MSN: variants seen among roughly 807,000 people sequenced by gnomAD.
MSN encodes epididymis luminal protein 70.
MSN carries 2 observed loss-of-function variants against 48.0 expected under a neutral mutation model. That is an observed-to-expected ratio of 0.04 (90% CI 0.02 to 0.13). The LOEUF (loss-of-function observed/expected upper bound fraction) is 0.13, where lower values mean the gene tolerates loss of function less well. Ranked by LOEUF, MSN falls within the 10% of genes least tolerant of loss-of-function variation. The pLI is 1.00. For synonymous variants in MSN, 146 were observed against 166.9 expected, an observed-to-expected ratio of 0.87 and a Z score of 0.97; for missense variants, 267 against 470.1, an observed-to-expected ratio of 0.57 and a Z score of 3.99.
intron 1 of MSN, among the ~76,000 whole-genome samples, chrX:65,649,452 T>G (rs1156729512): frequency 3.0e-5 from 3 of 100,657 alleles, no homozygotes; most frequent in Admixed American, 1.1e-4. Flanking sequence ...GGCGGGTGCC[T>G]GTAGTCCCAG....
chrX:65,728,420 A>G (rs776090468), intron 3 of MSN, among the ~76,000 whole-genome samples: 54 of 110,873 alleles, frequency 4.9e-4, no homozygotes, highest in Non-Finnish European at 1.3e-4. Context: ...CAGCCTCTCG[A>G]GTAGCTGGGA....
At chrX:65,654,167 G>A (rs1333735791) in intron 1 of MSN, among the ~76,000 whole-genome samples, 5 of 99,311 alleles carry the variant, frequency 5.0e-5, no homozygotes, top group Non-Finnish European at 1.0e-4. Flanking sequence ...GTGCAGTGGC[G>A]CGATCTCCAC....
chrX:65,625,372 G>A (rs2070495435), intron 1 of MSN: 1 of 111,944 alleles, frequency 8.9e-6, no homozygotes, highest in African/African-American at 3.2e-5. Context: ...GTTTAGAATA[G>A]GGTATTGTGT....
intron 1 of MSN, among the ~76,000 whole-genome samples, chrX:65,626,049 G>A (rs1053727075): frequency 9.4e-6 from 1 of 106,721 alleles, no homozygotes; most frequent in Non-Finnish European, 1.9e-5. Context: ...CTGCCTCCCG[G>A]GTTCACACCA....
At chrX:65,683,652 C>G (rs946368407) in intron 1 of MSN, among the ~76,000 whole-genome samples, 8 of 110,965 alleles carry the variant, frequency 7.2e-5, no homozygotes, top group Non-Finnish European at 1.5e-4. Flanking sequence ...TTCACCTAGT[C>G]TTTAAAGGAC....
At chrX:65,681,346 C>T (rs1195715496) in intron 1 of MSN, among the ~76,000 whole-genome samples, 1 of 111,918 alleles carries the variant, frequency 8.9e-6, no homozygotes, top group Non-Finnish European at 1.9e-5. Flanking sequence ...TCTAGCTCTT[C>T]CTGTCTCAAG....
At chrX:65,588,736 TAGGGGACAC>T in intron 1 of MSN, 1 of 473,847 alleles carries the variant, frequency 2.1e-6, no homozygotes, top group Non-Finnish European at 2.7e-6. Flanking sequence ...TCTCAGGGGG[TAGGGGACAC>T]TGAAATGTTG....
At chrX:65,610,293 A>C (rs947758703) in intron 1 of MSN, among the ~76,000 whole-genome samples, 1 of 111,925 alleles carries the variant, frequency 8.9e-6, no homozygotes, top group African/African-American at 3.2e-5. Context: ...GGTAACTTCT[A>C]ATCTACTTTC....
intron 1 of MSN, among the ~76,000 whole-genome samples, chrX:65,612,636 C>T (rs764903705): frequency 9.2e-6 from 1 of 109,136 alleles, no homozygotes; most frequent in African/African-American, 3.3e-5. Context: ...TCTTAGCTCA[C>T]TGCCACCTCC....
chrX:65,684,249 T>A (rs1263104288), intron 1 of MSN, among the ~76,000 whole-genome samples: 1 of 110,034 alleles, frequency 9.1e-6, no homozygotes, highest in East Asian at 2.9e-4. Context: ...GCCCATAGAC[T>A]CTTTTTTCAT....
intron 1 of MSN, among the ~76,000 whole-genome samples, chrX:65,609,100 G>A (rs1472808246): frequency 3.0e-5 from 3 of 101,505 alleles, no homozygotes; most frequent in Admixed American, 1.1e-4. Context: ...ATAGCTCCAG[G>A]GCTCTCAATG....
chrX:65,598,915 C>G (rs937579831), intron 1 of MSN, among the ~76,000 whole-genome samples: 1 of 111,770 alleles, frequency 8.9e-6, no homozygotes, highest in South Asian at 3.7e-4. Flanking sequence ...TTACACAGCA[C>G]TTTTGGGAGA....
intron 1 of MSN, among the ~76,000 whole-genome samples, chrX:65,701,687 C>T (rs1428460603): frequency 8.9e-6 from 1 of 112,130 alleles, no homozygotes. Context: ...GCACAACACT[C>T]CTGCCATGGT....
intron 1 of MSN, among the ~76,000 whole-genome samples, chrX:65,699,127 A>G (rs1360708149): frequency 8.9e-6 from 1 of 111,795 alleles, no homozygotes; most frequent in African/African-American, 3.3e-5. Context: ...GTTTTGTGTG[A>G]TTTTCTGTTT....
intron 10 of MSN, among the ~76,000 whole-genome samples, chrX:65,737,979 TC>T (rs1244818031): frequency 3.6e-5 from 4 of 112,361 alleles, no homozygotes; most frequent in Non-Finnish European, 5.6e-5. Flanking sequence ...CATATACTCT[TC>T]CTTTGTACTG....
chrX:65,651,522 A>T (rs933500702), intron 1 of MSN, among the ~76,000 whole-genome samples: 1 of 106,813 alleles, frequency 9.4e-6, no homozygotes, highest in African/African-American at 3.4e-5. Context: ...TGGGGGATGT[A>T]TTCTATTTTA....
At chrX:65,617,009 T>G (rs1406821341) in intron 1 of MSN, among the ~76,000 whole-genome samples, 1 of 109,462 alleles carries the variant, frequency 9.1e-6, no homozygotes, top group Non-Finnish European at 1.9e-5. Context: ...TGGATTACAT[T>G]TATTGATTTG....
chrX:65,716,942 A>G (rs760609319), intron 2 of MSN, 41 bp downstream of exon 2: 10 of 1,093,193 alleles, frequency 9.1e-6, no homozygotes, highest in Non-Finnish European at 1.3e-5. Flanking sequence ...TTCTCTGAAT[A>G]GCTTCCACCA....
At chrX:65,619,784 C>T (rs1327542160) in intron 1 of MSN, among the ~76,000 whole-genome samples, 1 of 109,352 alleles carries the variant, frequency 9.1e-6, no homozygotes, top group African/African-American at 3.5e-5. Flanking sequence ...GAGAGGTGCT[C>T]TGCTTTTTAG....
Sources: allele counts gnomAD v4.1 joint callset (sites outside exome capture counted in the v4.1 genomes callset), GRCh38; gene constraint gnomAD v4.1.1; transcripts MANE v1.5; gene names NCBI Gene and HGNC (gene_info 2026-07-23, HGNC 2026-07-21).